The following PARD3 variants were observed in gnomAD, a reference collection of about 807,000 sequenced individuals.
PARD3 encodes the protein partitioning defective 3 homolog.
PARD3 carries 75 observed loss-of-function variants against 155.4 expected under a neutral mutation model. That is an observed-to-expected ratio of 0.48 (90% CI 0.40 to 0.58). The LOEUF (loss-of-function observed/expected upper bound fraction) is 0.58, where lower values mean the gene tolerates loss of function less well. Ranked by LOEUF, PARD3 falls within the 20% of genes least tolerant of loss-of-function variation. PARD3 has a pLI of 0.00. For synonymous variants in PARD3, 576 were observed against 610.5 expected (o/e 0.94, Z 0.83); for missense variants, 1,642 against 1,721.7 (o/e 0.95, Z 0.82).
intron 22 of PARD3, among the ~76,000 whole-genome samples, chr10:34,232,421 A>G (rs944741883): frequency 1.3e-5 from 2 of 152,134 alleles, no homozygotes; most frequent in Admixed American, 1.3e-4. Context: ...AAACACGGCC[A>G]TGTGGGCTTC....
At chr10:34,225,682 C>A (rs1314965688) in intron 22 of PARD3, among the ~76,000 whole-genome samples, 1 of 152,124 alleles carries the variant, frequency 6.6e-6, no homozygotes, top group African/African-American at 2.4e-5. Context: ...AAAACATACA[C>A]ATGCGAGCAA....
chr10:34,552,350 A>C (rs1029420997), intron 2 of PARD3, among the ~76,000 whole-genome samples: 4 of 152,214 alleles, frequency 2.6e-5, no homozygotes, highest in African/African-American at 9.7e-5. Context: ...ATCCTCCCAC[A>C]TCAGCCTCCC....
intron 19 of PARD3, among the ~76,000 whole-genome samples, chr10:34,326,436 C>A (rs956348182): frequency 6.6e-6 from 1 of 152,110 alleles, no homozygotes; most frequent in African/African-American, 2.4e-5. Context: ...TCCAATTATC[C>A]ACTAAAATGG....
intron 3 of PARD3, among the ~76,000 whole-genome samples, chr10:34,505,607 C>T (rs963104975): frequency 2.0e-5 from 3 of 152,096 alleles, no homozygotes. Flanking sequence ...CCTGTGGACC[C>T]CCAACAGGCA....
intron 5 of PARD3, among the ~76,000 whole-genome samples, chr10:34,444,118 C>A (rs1401049300): frequency 9.2e-5 from 14 of 152,208 alleles, no homozygotes; most frequent in Admixed American, 9.2e-4. Flanking sequence ...TCAGGGCAGT[C>A]ATTCCCCTAT....
At chr10:34,345,752 CTT>C in intron 15 of PARD3, 1 of 985,374 alleles carries the variant, frequency 1.0e-6, no homozygotes, top group Non-Finnish European at 1.2e-6. Context: ...CTCCTAATGC[CTT>C]GTTTGGGCAT....
chr10:34,587,170 C>CTGGA (rs1426366301), intron 2 of PARD3, among the ~76,000 whole-genome samples: 2 of 152,100 alleles, frequency 1.3e-5, no homozygotes, highest in Non-Finnish European at 2.9e-5. Flanking sequence ...GTCACCCAGG[C>CTGGA]TGGAGGGCAG....
At chr10:34,359,010 A>G (rs185925387) in intron 14 of PARD3, 137 bp downstream of exon 14, 5 of 611,274 alleles carry the variant, frequency 8.2e-6, no homozygotes, top group East Asian at 2.8e-5. Context: ...CTACAAAATA[A>G]TAAAACTACA....
intron 1 of PARD3, among the ~76,000 whole-genome samples, chr10:34,745,589 C>T (rs987321757): frequency 2.6e-5 from 4 of 152,142 alleles, no homozygotes; most frequent in African/African-American, 9.7e-5. Context: ...GGCATGCAAT[C>T]CTCAGATGAA....
intron 6 of PARD3, among the ~76,000 whole-genome samples, chr10:34,400,238 A>G (rs1380879604): frequency 6.6e-6 from 1 of 152,214 alleles, no homozygotes; most frequent in East Asian, 1.9e-4. Context: ...CAGTATTCTG[A>G]GTAGCTGGGA....
intron 5 of PARD3, among the ~76,000 whole-genome samples, chr10:34,420,995 T>G (rs1301720883): frequency 1.3e-5 from 2 of 152,152 alleles, no homozygotes; most frequent in Admixed American, 6.5e-5. Flanking sequence ...CAGGCAACAT[T>G]GCAAGGCCTC....
rs79667558 is a variant in PARD3 at position 34,759,827 on chromosome 10, C to T, written c.120+55049G>A. Among the ~76,000 whole-genome samples, 1,406 of 152,348 alleles carry T rather than the reference C, an allele frequency of 9.2e-3. 26 individuals are homozygous for T. The highest frequency in any genetic ancestry group is 0.032 in the African/African-American group (1,313 of 41,586). ...TTTATTCCACATGTGGAATAAGAGACAAACTGCCTTATGGCTTAATTTTTA... is the reference window on the plus strand; with the variant it reads ...TTTATTCCACATGTGGAATAAGAGATAAACTGCCTTATGGCTTAATTTTTA... On this transcript the variant is annotated intron_variant, in intron 1 of 24. Coordinates refer to ENST00000374788, the MANE Select transcript of PARD3 (RefSeq NM_001184785.2).
chr10:34,690,581 A>T (rs2094037398), intron 2 of PARD3, among the ~76,000 whole-genome samples: 1 of 152,212 alleles, frequency 6.6e-6, no homozygotes, highest in African/African-American at 2.4e-5. Context: ...GTACAGCCCC[A>T]TAAATCCTAC....
At chr10:34,614,155 A>C (rs2091097588) in intron 2 of PARD3, among the ~76,000 whole-genome samples, 1 of 152,228 alleles carries the variant, frequency 6.6e-6, no homozygotes, top group South Asian at 2.1e-4. Context: ...GAAAAGTAAT[A>C]ATATTAAGTC....
intron 4 of PARD3, among the ~76,000 whole-genome samples, chr10:34,462,943 G>A (rs1416696213): frequency 9.6e-6 from 1 of 104,408 alleles, no homozygotes; most frequent in Non-Finnish European, 1.9e-5. Context: ...GAGGGAAGGG[G>A]AGAGGGAAGA....
chr10:34,329,208 C>A (rs1392010644), intron 19 of PARD3, among the ~76,000 whole-genome samples: 2 of 151,996 alleles, frequency 1.3e-5, no homozygotes, highest in Non-Finnish European at 2.9e-5. Flanking sequence ...TAAAAATATA[C>A]CTTATATTCA....
intron 1 of PARD3, among the ~76,000 whole-genome samples, chr10:34,726,829 A>G (rs1388871516): frequency 6.6e-6 from 1 of 152,004 alleles, no homozygotes; most frequent in African/African-American, 2.4e-5. Context: ...AGGAAAGGCC[A>G]GCATTACATC....
intron 2 of PARD3, among the ~76,000 whole-genome samples, chr10:34,526,967 G>A (rs2082531288): frequency 6.6e-6 from 1 of 152,146 alleles, no homozygotes; most frequent in Non-Finnish European, 1.5e-5. Flanking sequence ...TCACTAAAAT[G>A]TCTTGCCATC....
intron 1 of PARD3, among the ~76,000 whole-genome samples, chr10:34,739,893 A>T (rs1490486397): frequency 6.6e-6 from 1 of 152,156 alleles, no homozygotes; most frequent in African/African-American, 2.4e-5. Context: ...AATATTCCCT[A>T]TCTCTGTCAA....
Sources: gnomAD v4.1 joint callset for allele counts (sites outside exome capture counted in the v4.1 genomes callset) on GRCh38, gnomAD v4.1.1 for gene constraint, MANE v1.5 for transcripts, NCBI Gene and HGNC (gene_info 2026-07-23, HGNC 2026-07-21) for gene names.